Variants in SDK1 observed in about 807,000 individuals in gnomAD.
The protein encoded by SDK1 is sidekick cell adhesion molecule 1.
SDK1 carries 157 observed loss-of-function variants against 245.5 expected under a neutral mutation model. The observed-to-expected ratio is 0.64, with a 90% CI of 0.56 to 0.73. The LOEUF (loss-of-function observed/expected upper bound fraction) is 0.73. Ranked by LOEUF, SDK1 falls within the 30% of genes least tolerant of loss-of-function variation. The probability of loss-of-function intolerance (pLI) is 0.00; values close to 1 mark genes in which losing one functional copy is unlikely to be tolerated. For synonymous variants in SDK1, 1,647 were observed against 1,278.5 expected (o/e 1.29, Z -6.15); for missense variants, 3,583 against 3,002.3 (o/e 1.19, Z -4.52).
chr7:3,456,011 C>G (rs528495744), intron 1 of SDK1, among the ~76,000 whole-genome samples: 12 of 152,264 alleles, frequency 7.9e-5, no homozygotes, highest in Admixed American at 4.6e-4. Flanking sequence ...ATGTAGAATT[C>G]ATGGTTGACA....
chr7:4,139,679 G>GTGTGTGTGTATA, intron 28 of SDK1, among the ~76,000 whole-genome samples: 1 of 25,906 alleles, frequency 3.9e-5, no homozygotes, highest in Non-Finnish European at 6.1e-5. Context: ...GTGTGTATAT[G>GTGTGTGTGTATA]TGTGTGTGTG....
rs76571859 is a variant in SDK1 at position 4,026,583 on chromosome 7, A to G, written c.2602+9231A>G. On this transcript the variant is annotated intron_variant, in intron 17 of 44. Transcript: ENST00000404826. The surrounding 1 kb of genome is among the most constrained non-coding windows in gnomAD (Gnocchi z 4.1). ...CAATGCCTGGCAAGTAAAGATTTGG[A>G]AAAAAAAATAAGTTCAGAAAGGAAC... is the stretch of plus-strand genomic sequence containing the variant. 1.3e-5 allele frequency among the ~76,000 whole-genome samples: 2 copies of G among 151,638 alleles called. No individual in the cohort carries two copies. The highest frequency in any genetic ancestry group is 4.8e-5 in the African/African-American group (2 of 41,270).
intron 32 of SDK1, among the ~76,000 whole-genome samples, chr7:4,162,356 G>GGTTGTT (rs373778675): frequency 3.1e-3 from 378 of 121,934 alleles, no homozygotes; most frequent in East Asian, 8.2e-3. Flanking sequence ...TGGTGGTGGT[G>GGTTGTT]GTTGTTGTTG....
At chr7:3,965,017 T>C (rs796646218) in intron 9 of SDK1, among the ~76,000 whole-genome samples, 10 of 152,324 alleles carry the variant, frequency 6.6e-5, no homozygotes, top group African/African-American at 1.9e-4. Flanking sequence ...TATCTTGCAA[T>C]CGTGAGCTGG....
chr7:3,697,026 T>C (rs557823826), intron 4 of SDK1, among the ~76,000 whole-genome samples: 12 of 152,332 alleles, frequency 7.9e-5, no homozygotes, highest in African/African-American at 2.9e-4. Flanking sequence ...GAATGAGATA[T>C]ACTCTCTCAG....
intron 5 of SDK1, among the ~76,000 whole-genome samples, chr7:3,943,860 C>G (rs1780470513): frequency 6.6e-6 from 1 of 152,180 alleles, no homozygotes; most frequent in African/African-American, 2.4e-5. Flanking sequence ...TCATTTCCCT[C>G]TGCTGCGTGT....
chr7:3,742,183 C>T (rs951036358), intron 4 of SDK1, among the ~76,000 whole-genome samples: 17 of 150,108 alleles, frequency 1.1e-4, no homozygotes, highest in African/African-American at 4.2e-4. Flanking sequence ...CTTCCCTTTC[C>T]TCCCCAATGT....
At chr7:3,327,859 C>T (rs1779973172) in intron 1 of SDK1, among the ~76,000 whole-genome samples, 1 of 152,098 alleles carries the variant, frequency 6.6e-6, no homozygotes, top group South Asian at 2.1e-4. Context: ...AAACTCATGT[C>T]TGAATTCTTA....
intron 14 of SDK1, among the ~76,000 whole-genome samples, chr7:3,997,494 G>C (rs1235796047): frequency 6.6e-6 from 1 of 152,050 alleles, no homozygotes; most frequent in Non-Finnish European, 1.5e-5. Context: ...GAGGATAGTA[G>C]CTTCTCTCTG....
intron 1 of SDK1, among the ~76,000 whole-genome samples, chr7:3,482,926 T>G (rs1781562682): frequency 2.0e-5 from 3 of 152,204 alleles, no homozygotes; most frequent in African/African-American, 7.2e-5. Context: ...TTAGCTATGA[T>G]GATGCTGGTG....
intron 1 of SDK1, among the ~76,000 whole-genome samples, chr7:3,465,876 A>G (rs151193187): frequency 2.0e-5 from 3 of 152,288 alleles, no homozygotes; most frequent in Non-Finnish European, 4.4e-5. Flanking sequence ...GCAGAGGATA[A>G]ATTCATATAA....
intron 5 of SDK1, among the ~76,000 whole-genome samples, chr7:3,924,467 C>A (rs145038460): frequency 1.8e-3 from 269 of 152,284 alleles, no homozygotes; most frequent in Middle Eastern, 3.4e-3. Context: ...TGATCTCCCC[C>A]ACCCCTGCTG....
intron 17 of SDK1, among the ~76,000 whole-genome samples, chr7:4,034,166 A>G (rs1788047375): frequency 6.6e-6 from 1 of 152,228 alleles, no homozygotes. Context: ...AACTAGGAAC[A>G]TATTGCACAA....
At chr7:3,866,070 A>G (rs936498413) in intron 5 of SDK1, among the ~76,000 whole-genome samples, 2 of 152,210 alleles carry the variant, frequency 1.3e-5, no homozygotes, top group Non-Finnish European at 2.9e-5. Flanking sequence ...AGAATAAAAC[A>G]TTATGAATAT....
chr7:4,210,212 G>T (rs765986643), intron 38 of SDK1, 50 bp downstream of exon 38: 6 of 1,452,100 alleles, frequency 4.1e-6, no homozygotes, highest in Non-Finnish European at 3.6e-6. Flanking sequence ...CCAGTGCCCA[G>T]CCCTCTGCAG....
intron 28 of SDK1, among the ~76,000 whole-genome samples, chr7:4,144,675 G>A (rs994853184): frequency 6.6e-6 from 1 of 152,072 alleles, no homozygotes; most frequent in African/African-American, 2.4e-5. Context: ...AGAGGGAGGG[G>A]TTCACCCGGA....
At chr7:3,728,125 C>G (rs1779062643) in intron 4 of SDK1, among the ~76,000 whole-genome samples, 1 of 152,232 alleles carries the variant, frequency 6.6e-6, no homozygotes, top group African/African-American at 2.4e-5. Context: ...AAGTCCCACT[C>G]TCATACCATG....
intron 5 of SDK1, among the ~76,000 whole-genome samples, chr7:3,894,907 C>G (rs548462930): frequency 1.3e-5 from 2 of 151,920 alleles, no homozygotes; most frequent in Admixed American, 6.6e-5. Context: ...CGGCCAACTC[C>G]TGACCTCAGG....
chr7:4,250,403 G>C (rs573470750), intron 44 of SDK1, among the ~76,000 whole-genome samples: 1 of 152,130 alleles, frequency 6.6e-6, no homozygotes, highest in East Asian at 1.9e-4. Context: ...GAGTGCAGTG[G>C]CATGATCTCA....
Sources: allele counts gnomAD v4.1 joint callset (sites outside exome capture counted in the v4.1 genomes callset), GRCh38; gene constraint gnomAD v4.1.1; non-coding constraint Gnocchi (gnomAD v3.1); transcripts MANE v1.5; gene names NCBI Gene and HGNC (gene_info 2026-07-23, HGNC 2026-07-21).